The following GRK2 variants were observed in gnomAD, a reference collection of about 807,000 sequenced individuals.
GRK2 encodes the protein adrenergic beta receptor kinase 1.
GRK2 carries 23 observed loss-of-function variants against 97.8 expected under a neutral mutation model. That is an observed-to-expected ratio of 0.24 (90% CI 0.17 to 0.33). GRK2 has a LOEUF of 0.33. Among genes scored for constraint, GRK2 ranks in the 10% least tolerant of loss-of-function variants. The probability of loss-of-function intolerance (pLI) is 1.00; values close to 1 mark genes in which losing one functional copy is unlikely to be tolerated. For synonymous variants in GRK2, 425 were observed against 381.7 expected (o/e 1.11, Z -1.32); for missense variants, 633 against 956.9 (o/e 0.66, Z 4.47).
chr11:67,278,307 G>A (rs550269954), intron 2 of GRK2, among the ~76,000 whole-genome samples: 5 of 152,340 alleles, frequency 3.3e-5, no homozygotes, highest in Admixed American at 1.3e-4. Context: ...CTGGTTACCC[G>A]TGTCAGACTG....
intron 2 of GRK2, among the ~76,000 whole-genome samples, chr11:67,278,361 C>A (rs554288439): frequency 1.3e-5 from 2 of 152,162 alleles, no homozygotes; most frequent in Non-Finnish European, 2.9e-5. Context: ...GCTCGGGGGC[C>A]GGGGTCCAGG....
rs1860167833 is a variant in GRK2, at chr11:67,282,218, G to A, written c.958-53G>A. On this transcript the variant is annotated intron_variant, in intron 11 of 20. Coordinates refer to ENST00000308595, the MANE Select transcript of GRK2 (RefSeq NM_001619.5). The surrounding 1 kb of genome is among the most constrained non-coding windows in gnomAD (Gnocchi z 6.9). ...CAGTGACCCAGCTGGCATCTTGCCT[G>A]GCTGGGCCCCATCCTGAGCTGCCCC... 1 of 1,554,668 alleles carries A rather than the reference G, an allele frequency of 6.4e-7. No individual in the cohort carries two copies. The highest frequency in any genetic ancestry group is 2.2e-5 in the East Asian group (1 of 44,538).
At chr11:67,274,874 C>T (rs970736046) in intron 1 of GRK2, among the ~76,000 whole-genome samples, 64 of 152,246 alleles carry the variant, frequency 4.2e-4, no homozygotes, top group African/African-American at 1.4e-3. Flanking sequence ...CTGGTGTGGA[C>T]GCGGGGCCCA....
Position 67,286,461 on chromosome 11 carries a change from C to G in GRK2, c.*1011C>G. On this transcript the variant is annotated 3_prime_UTR_variant, in exon 21 of 21. Coordinates refer to ENST00000308595, the MANE Select transcript of GRK2 (RefSeq NM_001619.5). ...GGGTTGGCGCACCCTCCCCTCCCGT[C>G]TACTCATTCCCCGGGGCGTTTCTTT... 1.4e-6 allele frequency: 1 copy of G among 700,944 alleles called. No homozygotes were observed. The highest frequency in any genetic ancestry group is 1.5e-5 in the South Asian group (1 of 67,502). 43.4% of individuals were successfully genotyped at this position (700,944 alleles called of 1,614,324 possible).
chr11:67,284,479 C>A, intron 18 of GRK2, 106 bp downstream of exon 18: 1 of 1,344,814 alleles, frequency 7.4e-7, no homozygotes, highest in Non-Finnish European at 1.0e-6. Context: ...AAAGTGGCGG[C>A]TCTGGGATTC....
chr11:67,275,163 C>T (rs1028175211), intron 1 of GRK2, among the ~76,000 whole-genome samples: 4 of 152,218 alleles, frequency 2.6e-5, no homozygotes, highest in Non-Finnish European at 4.4e-5. Flanking sequence ...CGTGCTATCT[C>T]GCTCGGCCTT....
At chr11:67,267,315 C>T (rs1034905114) in intron 1 of GRK2, among the ~76,000 whole-genome samples, 5 of 152,212 alleles carry the variant, frequency 3.3e-5, no homozygotes, top group African/African-American at 9.6e-5. Flanking sequence ...CCACTACCCC[C>T]ACCCGTCTCT....
chr11:67,279,084 C>A, intron 2 of GRK2, 116 bp from the exon 3 acceptor site: 2 of 845,374 alleles, frequency 2.4e-6, no homozygotes, highest in Non-Finnish European at 4.0e-6. Context: ...GGGCCGAGAC[C>A]ACCTTTGCCA....
chr11:67,283,147 CCTT>C lies in GRK2; in HGVS notation c.1250_1252del (p.Phe417del), dbSNP rs781191950. 1.2e-6 allele frequency: 2 copies of C among 1,614,002 alleles called. No individual in the cohort carries two copies. Among genetic ancestry groups the C allele is most frequent in the Non-Finnish European group, 1.7e-6 (2 of 1,179,984 alleles). On this transcript the variant is annotated inframe_deletion, in exon 15 of 21. Coordinates refer to ENST00000308595, the MANE Select transcript of GRK2 (RefSeq NM_001619.5). ...CTAAAGGCCGTGGAGCTGCCCGACT[CCTT>C]CTCCCCTGAACTACGCTCCCTGCTG...
At position 67,283,895 on chromosome 11, in the gene GRK2, G is replaced by A. The variant is rs368041803; in HGVS notation, c.1437G>A (p.Ala479=). 2.9e-5 allele frequency: 47 copies of A among 1,612,870 alleles called. No homozygotes were observed. Among genetic ancestry groups the A allele is most frequent in the Non-Finnish European group, 3.6e-5 (43 of 1,179,780 alleles). Residue 479 remains alanine, a synonymous_variant, in exon 17 of 21, where the codon GCG becomes GCA. Coordinates refer to ENST00000308595, the MANE Select transcript of GRK2 (RefSeq NM_001619.5). ...PLIPPRGEVN[A]ADAFDIGSFD... is the part of the protein sequence containing the mutation. ...TCCCCCCACGAGGGGAGGTGAACGC[G>A]GCCGACGCCTTCGACATTGGCTCCT...
chr11:67,267,720 G>A (rs922175847), intron 1 of GRK2, among the ~76,000 whole-genome samples: 26 of 152,346 alleles, frequency 1.7e-4, no homozygotes, highest in African/African-American at 5.8e-4. Flanking sequence ...CGATTGCTGC[G>A]GTTTGTCCAG....
chr11:67,285,386 G>A lies in GRK2; in HGVS notation c.2006G>A (p.Arg669His), dbSNP rs1860255179. 3.1e-6 allele frequency: 5 copies of A among 1,609,222 alleles called. No individual in the cohort carries two copies. Among genetic ancestry groups the A allele is most frequent in the Non-Finnish European group, 4.2e-6 (5 of 1,179,056 alleles). Residue 669 changes from arginine to histidine, a missense_variant, in exon 21 of 21, where the codon CGC becomes CAC. Transcript: ENST00000308595. Reference sequence around the variant, plus strand: ...GTGCCCAAGATGAAGAACAAGCCGCGCTCGCCCGTGGTGGAGCTGAGCAAG... The same window carrying A: ...GTGCCCAAGATGAAGAACAAGCCGCACTCGCCCGTGGTGGAGCTGAGCAAG... The part of the protein sequence containing the change: ...QRVPKMKNKP[R>H]SPVVELSKVP...
chr11:67,280,271 G>A (rs143359135), intron 6 of GRK2: 6 of 385,194 alleles, frequency 1.6e-5, no homozygotes, highest in Admixed American at 8.2e-5. Context: ...CATGGCCCCC[G>A]TGACCCTCAC....
rs1417952574 is a variant in GRK2 at position 67,276,215 on chromosome 11, C to A, written c.114-1057C>A. Among the ~76,000 whole-genome samples the A allele has an allele frequency of 6.6e-6, 1 of 152,222 alleles. No homozygotes were observed. The highest frequency in any genetic ancestry group is 1.9e-4 in the East Asian group (1 of 5,200). On this transcript the variant is annotated intron_variant, in intron 1 of 20. Transcript: ENST00000308595. The surrounding 1 kb of genome is among the most constrained non-coding windows in gnomAD (Gnocchi z 4.2). Reference sequence around the variant, plus strand: ...TTGTCCCTTCAGGCCCCCAGCCTTGCAATGCCCTCAGCATGGCAGCTACAC... The same window carrying A: ...TTGTCCCTTCAGGCCCCCAGCCTTGAAATGCCCTCAGCATGGCAGCTACAC...
At chr11:67,278,119 G>A (rs1223202316) in intron 2 of GRK2, among the ~76,000 whole-genome samples, 1 of 152,228 alleles carries the variant, frequency 6.6e-6, no homozygotes, top group East Asian at 1.9e-4. Context: ...TCATGAGTCC[G>A]ACTGTGCAGG....
intron 5 of GRK2, 23 bp from the exon 6 acceptor site, chr11:67,279,816 C>T (rs780670413): frequency 6.2e-7 from 1 of 1,613,862 alleles, no homozygotes; most frequent in Non-Finnish European, 8.5e-7. Flanking sequence ...GCTCAGTCAC[C>T]AACTTCCAGC....
At chr11:67,267,780 C>T (rs183342263) in intron 1 of GRK2, among the ~76,000 whole-genome samples, 8 of 152,308 alleles carry the variant, frequency 5.3e-5, no homozygotes, top group Admixed American at 6.5e-5. Flanking sequence ...CTCTCAGCAG[C>T]GCATGGGGTG....
intron 6 of GRK2, 166 bp from the exon 7 acceptor site, chr11:67,280,566 G>A: frequency 2.5e-6 from 2 of 786,596 alleles, no homozygotes; most frequent in East Asian, 2.6e-5. Flanking sequence ...CTGTGGGCGG[G>A]CAGGCCCTCA....
chr11:67,275,713 C>G (rs897171182), intron 1 of GRK2, among the ~76,000 whole-genome samples: 32 of 152,246 alleles, frequency 2.1e-4, no homozygotes, highest in African/African-American at 7.7e-4. Flanking sequence ...GACATACTGT[C>G]CCCTGCCTGT....
Sources: allele counts gnomAD v4.1 joint callset (sites outside exome capture counted in the v4.1 genomes callset), GRCh38; gene constraint gnomAD v4.1.1; non-coding constraint Gnocchi (gnomAD v3.1); transcripts MANE v1.5; gene names NCBI Gene and HGNC (gene_info 2026-07-23, HGNC 2026-07-21).